The following KLF12 variants were observed in gnomAD, a reference collection of about 807,000 sequenced individuals.
KLF12 encodes KLF transcription factor 12.
A neutral mutation model predicts 37.8 loss-of-function variants in KLF12; 9 were observed. The observed-to-expected ratio is 0.24, with a 90% confidence interval of 0.14 to 0.42. The LOEUF (loss-of-function observed/expected upper bound fraction) is 0.42. Ranked by LOEUF, KLF12 falls within the 10% of genes least tolerant of loss-of-function variation. The probability of loss-of-function intolerance (pLI) is 1.00; values close to 1 mark genes in which losing one functional copy is unlikely to be tolerated. For missense variants in KLF12, 411 were observed against 516.0 expected (o/e 0.80, Z 1.97); for synonymous variants, 208 against 202.1 (o/e 1.03, Z -0.25).
intron 1 of KLF12, among the ~76,000 whole-genome samples, chr13:74,046,729 T>C (rs1210068644): frequency 6.6e-6 from 1 of 152,192 alleles, no homozygotes; most frequent in Non-Finnish European, 1.5e-5. Flanking sequence ...TAAGAAGGAA[T>C]GTTTCATTAT....
At chr13:74,241,172 C>T in the KLF12 span, among the ~76,000 whole-genome samples, 4 of 152,136 alleles carry the variant, frequency 2.6e-5, no homozygotes, top group Admixed American at 1.3e-4. Flanking sequence ...AGACAGGACC[C>T]TCAGCTGCAG....
the KLF12 span, among the ~76,000 whole-genome samples, chr13:74,295,377 A>G: frequency 6.6e-6 from 1 of 152,150 alleles, no homozygotes; most frequent in Non-Finnish European, 1.5e-5. Context: ...ATATCTGTGG[A>G]AATACTCTTC....
At chr13:74,128,299 A>AT (rs1472412896) in intron 1 of KLF12, among the ~76,000 whole-genome samples, 1 of 152,218 alleles carries the variant, frequency 6.6e-6, no homozygotes, top group Non-Finnish European at 1.5e-5. Context: ...TTCCTTCCCC[A>AT]TAAGTGTAAT....
the KLF12 span, among the ~76,000 whole-genome samples, chr13:74,198,262 A>G: frequency 6.6e-6 from 1 of 152,140 alleles, no homozygotes; most frequent in Non-Finnish European, 1.5e-5. Context: ...ACCCTGGGGT[A>G]TGGTGAAAGC....
intron 1 of KLF12, among the ~76,000 whole-genome samples, chr13:74,021,559 C>T (rs879018771): frequency 2.0e-5 from 3 of 152,106 alleles, no homozygotes; most frequent in Admixed American, 2.0e-4. Context: ...CTAGTACAGG[C>T]ATGGGAGAGC....
chr13:74,051,086 G>T (rs570364757), intron 1 of KLF12, among the ~76,000 whole-genome samples: 1 of 152,226 alleles, frequency 6.6e-6, no homozygotes, highest in African/African-American at 2.4e-5. Context: ...CTGCTGGTGG[G>T]AACAGAAATT....
At chr13:73,839,848 GATA>G (rs1329894836) in intron 4 of KLF12, among the ~76,000 whole-genome samples, 26 of 152,272 alleles carry the variant, frequency 1.7e-4, no homozygotes, top group African/African-American at 6.3e-4. Context: ...AAAAACAGAA[GATA>G]ATGATGTAGG....
At chr13:73,769,321 T>C (rs888964486) in intron 5 of KLF12, among the ~76,000 whole-genome samples, 4 of 152,178 alleles carry the variant, frequency 2.6e-5, no homozygotes, top group Non-Finnish European at 5.9e-5. Flanking sequence ...AGTCTCCATG[T>C]TTTCAAATCT....
intron 1 of KLF12, among the ~76,000 whole-genome samples, chr13:74,076,360 G>T (rs554655229): frequency 2.0e-5 from 3 of 152,232 alleles, no homozygotes; most frequent in African/African-American, 7.2e-5. Context: ...AATTCTGGAG[G>T]CTGGAAAGTC....
intron 4 of KLF12, among the ~76,000 whole-genome samples, chr13:73,818,748 G>A (rs868684647): frequency 2.6e-5 from 4 of 152,326 alleles, no homozygotes; most frequent in South Asian, 4.1e-4. Flanking sequence ...ACCTCCACGC[G>A]CCAGGGCTGG....
At chr13:73,935,741 T>C (rs2325571) in intron 3 of KLF12, among the ~76,000 whole-genome samples, 147,505 of 152,176 alleles carry the variant, frequency 0.97, 71,654 homozygotes, top group East Asian at 1. Context: ...AATCCTCCCA[T>C]CTCAACCTCC....
At chr13:74,148,498 C>T in the KLF12 span, among the ~76,000 whole-genome samples, 1 of 145,718 alleles carries the variant, frequency 6.9e-6, no homozygotes, top group Non-Finnish European at 1.5e-5. Flanking sequence ...CCCCCCACCC[C>T]ACCCCGCACT....
chr13:73,746,157 T>A (rs1204557196), intron 6 of KLF12, among the ~76,000 whole-genome samples: 3 of 151,990 alleles, frequency 2.0e-5, no homozygotes, highest in African/African-American at 7.3e-5. Context: ...TTAATTCAAT[T>A]ATATTTTGGT....
chr13:74,255,559 G>T, the KLF12 span, among the ~76,000 whole-genome samples: 1 of 152,220 alleles, frequency 6.6e-6, no homozygotes, highest in Non-Finnish European at 1.5e-5. Context: ...TCAGGAAGTT[G>T]TTTTACCAAA....
At chr13:73,773,794 A>G (rs1318496128) in intron 5 of KLF12, among the ~76,000 whole-genome samples, 1 of 152,080 alleles carries the variant, frequency 6.6e-6, no homozygotes, top group Non-Finnish European at 1.5e-5. Context: ...TGATGCTACA[A>G]CATCCCCTTC....
chr13:73,987,894 G>A (rs1217496857), intron 2 of KLF12, among the ~76,000 whole-genome samples: 1 of 152,036 alleles, frequency 6.6e-6, no homozygotes, highest in Non-Finnish European at 1.5e-5. Context: ...GAGGGAAAGA[G>A]TGAGAGTGAG....
chr13:73,824,796 G>A (rs551737203), intron 4 of KLF12, among the ~76,000 whole-genome samples: 34 of 152,160 alleles, frequency 2.2e-4, no homozygotes, highest in African/African-American at 8.0e-4. Context: ...GGCTGGGCGC[G>A]GTGGCTCACA....
chr13:73,858,185 C>T (rs9565053), intron 3 of KLF12, among the ~76,000 whole-genome samples: 19,239 of 151,966 alleles, frequency 0.13, 1,681 homozygotes, highest in East Asian at 0.41. Context: ...AGAAAGAAAT[C>T]TAAAAGGGGA....
chr13:73,790,210 A>C (rs370543053), intron 5 of KLF12, among the ~76,000 whole-genome samples: 113 of 152,328 alleles, frequency 7.4e-4, no homozygotes, highest in African/African-American at 2.7e-3. Context: ...GTAGCTTCCA[A>C]AAACAGGTTG....
Sources: allele counts gnomAD v4.1 joint callset (sites outside exome capture counted in the v4.1 genomes callset), GRCh38; gene constraint gnomAD v4.1.1; transcripts MANE v1.5; gene names NCBI Gene and HGNC (gene_info 2026-07-23, HGNC 2026-07-21).